The following ASPRV1 variants were observed in gnomAD, a reference collection of about 807,000 sequenced individuals.
The protein encoded by ASPRV1 is aspartic peptidase retroviral like 1.
Under a neutral mutation model 11.0 loss-of-function variants are expected in ASPRV1, and 7 were observed. That is an observed-to-expected ratio of 0.64 (90% CI 0.36 to 1.20). ASPRV1 has a LOEUF of 1.20. ASPRV1 is among the 50% of genes most tolerant of loss of function. The pLI is 0.02. For synonymous variants in ASPRV1, 136 were observed against 138.4 expected (o/e 0.98, Z 0.12); for missense variants, 299 against 320.0 (o/e 0.93, Z 0.50).
chr2:69,996,597 A>T, the ASPRV1 span: 1 of 413,618 alleles, frequency 2.4e-6, no homozygotes, highest in Non-Finnish European at 4.8e-6. Flanking sequence ...TTCCTTCAGG[A>T]ATGCAACGTC....
At chr2:69,939,983 G>GT in the ASPRV1 span, 5 of 152,134 alleles carry the variant, frequency 3.3e-5, no homozygotes, top group African/African-American at 1.2e-4. Flanking sequence ...TTACTTTTGT[G>GT]TTTTTTAAAA....
At chr2:70,086,512 G>A in the ASPRV1 span, 1 of 151,454 alleles carries the variant, frequency 6.6e-6, no homozygotes, top group Non-Finnish European at 1.5e-5. Context: ...GGCCCTGACG[G>A]GGCCGCCCCC....
chr2:70,069,453 G>A, the ASPRV1 span: 1 of 152,138 alleles, frequency 6.6e-6, no homozygotes, highest in Admixed American at 6.6e-5. Context: ...ATATGTTTTT[G>A]ATATTTACAA....
chr2:70,070,547 C>T, the ASPRV1 span: 1 of 152,208 alleles, frequency 6.6e-6, no homozygotes, highest in Non-Finnish European at 1.5e-5. Flanking sequence ...CCTGTAATCC[C>T]ACCACTTTGG....
At chr2:70,054,443 G>A in the ASPRV1 span, among the ~76,000 whole-genome samples, 36 of 151,800 alleles carry the variant, frequency 2.4e-4, no homozygotes, top group Non-Finnish European at 3.4e-4. Flanking sequence ...AGCCCGGCGC[G>A]GTGGCAGGCG....
chr2:70,020,130 G>C, the ASPRV1 span, among the ~76,000 whole-genome samples: 6 of 152,112 alleles, frequency 3.9e-5, no homozygotes, highest in African/African-American at 1.4e-4. Flanking sequence ...AACCCCTCAT[G>C]TAGAGTTACT....
chr2:69,980,749 T>C, the ASPRV1 span, among the ~76,000 whole-genome samples: 1 of 149,964 alleles, frequency 6.7e-6, no homozygotes, highest in Non-Finnish European at 1.5e-5. Flanking sequence ...TTCAACTTTC[T>C]ATAAATCCAA....
chr2:69,998,264 T>C, the ASPRV1 span: 5 of 152,050 alleles, frequency 3.3e-5, no homozygotes, highest in African/African-American at 7.3e-5. Flanking sequence ...TGAATACCTA[T>C]GTAAAAATTC....
chr2:70,013,876 G>A, the ASPRV1 span, among the ~76,000 whole-genome samples: 5 of 151,672 alleles, frequency 3.3e-5, no homozygotes, highest in Non-Finnish European at 5.9e-5. Context: ...GTGAAACTCC[G>A]TCTCAAAACA....
At chr2:69,984,269 C>T in the ASPRV1 span, among the ~76,000 whole-genome samples, 3 of 152,040 alleles carry the variant, frequency 2.0e-5, no homozygotes, top group African/African-American at 7.2e-5. Context: ...AAATTCCTGA[C>T]CTCAGGTGAT....
At chr2:70,031,976 T>A in the ASPRV1 span, 2 of 152,190 alleles carry the variant, frequency 1.3e-5, no homozygotes, top group East Asian at 1.9e-4. Flanking sequence ...CCAACAGAAA[T>A]CCAGAGTCGT....
the ASPRV1 span, among the ~76,000 whole-genome samples, chr2:69,945,587 C>A: frequency 1.3e-5 from 2 of 152,222 alleles, no homozygotes; most frequent in African/African-American, 2.4e-5. Flanking sequence ...GACAGAGTGA[C>A]TAACCCACTT....
chr2:70,007,256 G>A, the ASPRV1 span, among the ~76,000 whole-genome samples: 1,178 of 152,284 alleles, frequency 7.7e-3, 18 homozygotes, highest in African/African-American at 0.028. Flanking sequence ...GGTTGCTCAC[G>A]CCTGTAATCC....
chr2:69,938,187 G>T, the ASPRV1 span: 13 of 1,614,120 alleles, frequency 8.1e-6, no homozygotes, highest in East Asian at 2.2e-5. Context: ...GACGAGCGGG[G>T]CAGCATGCAG....
chr2:70,051,384 T>C, the ASPRV1 span: 51 of 152,322 alleles, frequency 3.3e-4, no homozygotes, highest in Admixed American at 2.2e-3. Context: ...CATGTGCTAA[T>C]AGAAGTTTAT....
the ASPRV1 span, among the ~76,000 whole-genome samples, chr2:70,034,396 C>T: frequency 2.0e-5 from 3 of 151,174 alleles, no homozygotes; most frequent in Admixed American, 6.6e-5. Context: ...TGGTGAAACC[C>T]CCGTCTCTAC....
the ASPRV1 span, among the ~76,000 whole-genome samples, chr2:70,071,082 G>T: frequency 6.6e-6 from 1 of 152,242 alleles, no homozygotes; most frequent in East Asian, 1.9e-4. Flanking sequence ...GAGCTCTGAT[G>T]GCGTATGCAG....
chr2:70,043,204 G>A, the ASPRV1 span, among the ~76,000 whole-genome samples: 4 of 152,092 alleles, frequency 2.6e-5, no homozygotes, highest in Admixed American at 2.0e-4. Context: ...TATCACCTGA[G>A]GTCAGGAGTT....
At chr2:70,056,187 A>C in the ASPRV1 span, 2 of 152,134 alleles carry the variant, frequency 1.3e-5, no homozygotes, top group Non-Finnish European at 2.9e-5. Flanking sequence ...GAGAGAAAGG[A>C]GGGGTAGGGC....
Sources: allele counts gnomAD v4.1 joint callset (sites outside exome capture counted in the v4.1 genomes callset), GRCh38; gene constraint gnomAD v4.1.1; transcripts MANE v1.5; gene names NCBI Gene and HGNC (gene_info 2026-07-23, HGNC 2026-07-21).